Variants in CHD5 observed in about 807,000 individuals in gnomAD.
CHD5 encodes the protein chromodomain helicase DNA binding protein 5, also known as ATP-dependent chromatin remodeler CHD5.
In CHD5, 69 loss-of-function variants were observed where a neutral mutation model predicts 230.3. That is an observed-to-expected ratio of 0.30 (90% confidence interval 0.25 to 0.37). The LOEUF is 0.37. Among genes scored for constraint, CHD5 ranks in the 10% least tolerant of loss-of-function variants. The pLI, the probability that CHD5 is intolerant of heterozygous loss-of-function variation, is 1.00. For missense variants in CHD5, 1,827 were observed against 2,622.8 expected, an observed-to-expected ratio of 0.70 and a Z score of 6.63; for synonymous variants, 1,064 against 1,065.9, an observed-to-expected ratio of 1.00 and a Z score of 0.03.
chr1:6,127,142 C>A, intron 25 of CHD5: 1 of 207,232 alleles, frequency 4.8e-6, no homozygotes, highest in Non-Finnish European at 9.8e-6. Flanking sequence ...AGGAGAGACC[C>A]ACAAGGAGCT....
chr1:6,175,641 A>AT (rs1435752701), intron 1 of CHD5, among the ~76,000 whole-genome samples: 2 of 151,376 alleles, frequency 1.3e-5, no homozygotes, highest in Non-Finnish European at 2.9e-5. Context: ...GCATGGACAG[A>AT]TAGTGCATGG....
chr1:6,123,909 T>A, intron 31 of CHD5, 39 bp downstream of exon 31: 1 of 1,387,118 alleles, frequency 7.2e-7, no homozygotes. Context: ...CCACTTTCCA[T>A]GACCCCAGTG....
At chr1:6,143,429 G>C (rs967665816) in intron 13 of CHD5, among the ~76,000 whole-genome samples, 1 of 152,178 alleles carries the variant, frequency 6.6e-6, no homozygotes, top group African/African-American at 2.4e-5. Context: ...ACAGGCGCCT[G>C]ATAGTCCCAG....
intron 1 of CHD5, among the ~76,000 whole-genome samples, chr1:6,173,904 A>G (rs752483250): frequency 6.6e-6 from 1 of 152,182 alleles, no homozygotes; most frequent in Non-Finnish European, 1.5e-5. Flanking sequence ...TTCATAATTT[A>G]TTTATGACAT....
In CHD5 at chr1:6,155,568, G is replaced by T; in HGVS notation, c.506+31C>A. The T allele has an allele frequency of 6.4e-7, 1 of 1,554,028 alleles. No homozygotes were observed. The highest frequency in any genetic ancestry group is 8.9e-7 in the Non-Finnish European group (1 of 1,125,726). On this transcript the variant is annotated intron_variant, in intron 4 of 41. Coordinates refer to ENST00000262450, the MANE Select transcript of CHD5 (RefSeq NM_015557.3). The surrounding 1 kb of genome is among the most constrained non-coding windows in gnomAD (Gnocchi z 4.0). Reference sequence around the variant, plus strand: ...CTTGGTACCACCAGAGGATGTGCGGGCCTGGAGAACAGCCCTAGTGCCCCG... The same window carrying T: ...CTTGGTACCACCAGAGGATGTGCGGTCCTGGAGAACAGCCCTAGTGCCCCG...
Position 6,142,717 on chromosome 1 carries a change from G to T in CHD5, c.2044-112C>A, listed in dbSNP as rs1408864134. On this transcript the variant is annotated intron_variant, in intron 13 of 41. Coordinates refer to ENST00000262450, the MANE Select transcript of CHD5 (RefSeq NM_015557.3). This position sits in a 1 kb window ranked among gnomAD's most constrained non-coding sequence, Gnocchi z 5.2. The stretch of plus-strand genomic sequence containing the variant: ...TGCCTGGAACACTCTTCCCACTCCT[G>T]TCTGTCTTCCTAACTCTTCTCCAGT... The T allele has an allele frequency of 1.8e-5, 21 of 1,179,884 alleles. No individual in the cohort carries two copies. Among genetic ancestry groups the T allele is most frequent in the Non-Finnish European group, 2.3e-5 (20 of 852,224 alleles). 73.1% of individuals were successfully genotyped at this position (1,179,884 alleles called of 1,614,324 possible). A position where few individuals can be genotyped will look rare whatever the true frequency, so the allele number is the denominator to read the frequency against.
chr1:6,115,104 A>T (rs1353196861), intron 33 of CHD5, among the ~76,000 whole-genome samples: 3 of 151,900 alleles, frequency 2.0e-5, no homozygotes, highest in African/African-American at 4.8e-5. Flanking sequence ...CGAGATCAGG[A>T]GATCGAGACC....
chr1:6,109,781 C>A lies in CHD5; in HGVS notation c.5578+14G>T, dbSNP rs1466514377. ...GGGCGGGGGGCTGCACCGTGGGGGG[C>A]AGGACTTGCTCACCCTTGTGCAGGA... is the stretch of plus-strand genomic sequence containing the variant. On this transcript the variant is annotated intron_variant, in intron 38 of 41. Coordinates refer to ENST00000262450, the MANE Select transcript of CHD5 (RefSeq NM_015557.3). 6.2e-6 allele frequency: 10 copies of A among 1,608,614 alleles called. No homozygotes were observed. Among genetic ancestry groups the A allele is most frequent in the Non-Finnish European group, 8.5e-6 (10 of 1,177,874 alleles).
At chr1:6,110,610 C>T in intron 36 of CHD5, 84 bp from the exon 37 acceptor site, 35 of 1,426,432 alleles carry the variant, frequency 2.5e-5, no homozygotes, top group Non-Finnish European at 3.3e-5. Flanking sequence ...GGGGGAGGGG[C>T]CAGCCCGGGG....
chr1:6,155,746 T>C lies in CHD5; in HGVS notation c.388-29A>G. On this transcript the variant is annotated intron_variant, in intron 3 of 41. Transcript: ENST00000262450. This position sits in a 1 kb window ranked among gnomAD's most constrained non-coding sequence, Gnocchi z 4.0. ...CAGAGACCCAGGCCAGAGGTAGAGT[T>C]GTTGAGGGGCCTTCTGACCTGCACC... The C allele has an allele frequency of 6.4e-7, 1 of 1,572,686 alleles. No homozygotes were observed. The highest frequency in any genetic ancestry group is 8.7e-7 in the Non-Finnish European group (1 of 1,143,136).
At position 6,125,800 on chromosome 1, in the gene CHD5, C is replaced by T. The variant is rs2100843407; in HGVS notation, c.4137G>A (p.Glu1379=). The part of the protein sequence containing the change: ...QSEYSIGSED[E]DEDFEERPEG... ...CCGGCCTCTCTTCAAAGTCCTCATC[C>T]TCATCCTCAGAGCCAATGGAATATT... The change falls in exon 27 of 42, where the codon GAG becomes GAA. Residue 1379 remains glutamate, a synonymous_variant. Transcript: ENST00000262450. The surrounding 1 kb of genome is among the most constrained non-coding windows in gnomAD (Gnocchi z 6.7). 6.2e-7 allele frequency: 1 copy of T among 1,613,840 alleles called. No individual in the cohort carries two copies. Among genetic ancestry groups the T allele is most frequent in the East Asian group, 2.2e-5 (1 of 44,872 alleles).
In CHD5 at chr1:6,159,384, T is replaced by C; in HGVS notation, c.339A>G (p.Arg113=). 6.4e-7 allele frequency: 1 copy of C among 1,552,450 alleles called. No individual in the cohort carries two copies. Among genetic ancestry groups the C allele is most frequent in the Non-Finnish European group, 8.7e-7 (1 of 1,147,126 alleles). ...CATCCTCATCCTCATCCTTCTTTTTTCGCTTGGCTTTTTTCTCCTTCTTGT... is the reference window on the plus strand; with the variant it reads ...CATCCTCATCCTCATCCTTCTTTTTCCGCTTGGCTTTTTTCTCCTTCTTGT... ...LKDKKEKKAK[R]KKKDEDEDDN... Residue 113 remains arginine (R), a synonymous_variant, in exon 3 of 42, where the codon CGA becomes CGG. Coordinates refer to ENST00000262450, the MANE Select transcript of CHD5 (RefSeq NM_015557.3).
chr1:6,101,966 C>T lies in CHD5; in HGVS notation c.*3508G>A. ...AAAGCTGGACCCGCCCCCGCCGGGG[C>T]CACCCTGGCTGGGACTCCTGGCGCG... On this transcript the variant is annotated 3_prime_UTR_variant, in exon 42 of 42. Coordinates refer to ENST00000262450, the MANE Select transcript of CHD5 (RefSeq NM_015557.3). 2 of 421,478 alleles carry T rather than the reference C, an allele frequency of 4.7e-6. No individual in the cohort carries two copies. The highest frequency in any genetic ancestry group is 2.8e-5 in the Admixed American group (1 of 35,950). The allele number at this position is 421,478 out of a possible 1,614,324, so 26.1% of individuals were successfully genotyped here.
At chr1:6,153,592 G>T (rs1667038091) in intron 5 of CHD5, among the ~76,000 whole-genome samples, 1 of 152,238 alleles carries the variant, frequency 6.6e-6, no homozygotes, top group South Asian at 2.1e-4. Context: ...ACTTTGGGAG[G>T]CCGAGGTGGG....
In CHD5 at chr1:6,125,696, C is replaced by T. The variant is rs1227915244; in HGVS notation, c.4171+70G>A. On this transcript the variant is annotated intron_variant, in intron 27 of 41. Coordinates refer to ENST00000262450, the MANE Select transcript of CHD5 (RefSeq NM_015557.3). The surrounding 1 kb of genome is among the most constrained non-coding windows in gnomAD (Gnocchi z 6.7). Reference sequence around the variant, plus strand: ...GGACAGCGGGACCCCAGACCAGCCCCGCTCCTGCTGCCATCAGCTCCCCTG... The same window carrying T: ...GGACAGCGGGACCCCAGACCAGCCCTGCTCCTGCTGCCATCAGCTCCCCTG... 6 of 1,593,258 alleles carry T rather than the reference C, an allele frequency of 3.8e-6. No homozygotes were observed. The highest frequency in any genetic ancestry group is 4.5e-5 in the East Asian group (2 of 44,796).
intron 6 of CHD5, among the ~76,000 whole-genome samples, chr1:6,151,791 C>A (rs1003620203): frequency 1.7e-5 from 1 of 57,268 alleles, no homozygotes. Context: ...TCCAACTCCA[C>A]CCACCGCAGG....
In CHD5 at chr1:6,134,801, C is replaced by T. The variant is rs1474737639; in HGVS notation, c.2929G>A (p.Gly977Arg). The change falls in exon 19 of 42, where the codon GGG becomes AGG. Residue 977 changes from glycine to arginine, a missense_variant. Gly to Arg is a moderately radical substitution (Grantham distance 125, BLOSUM62 -2). Around this residue, in one of 14 missense-constraint regions of CHD5, gnomAD observed 16 missense variants for 18.2 expected, o/e 0.88. Coordinates refer to ENST00000262450, the MANE Select transcript of CHD5 (RefSeq NM_015557.3). The surrounding 1 kb of genome is among the most constrained non-coding windows in gnomAD (Gnocchi z 6.3). ...ATGTTGAGCAGCGATACTTGGTTCCCGCCCCCCTTGGAGTTCAGTGCCTCA... is the reference window on the plus strand; with the variant it reads ...ATGTTGAGCAGCGATACTTGGTTCCTGCCCCCCTTGGAGTTCAGTGCCTCA... Reference protein sequence around the residue: ...NFEALNSKGGGNQVSLLNIMM... With the variant: ...NFEALNSKGGRNQVSLLNIMM... 2.5e-6 allele frequency: 4 copies of T among 1,614,098 alleles called. No individual in the cohort carries two copies. The highest frequency in any genetic ancestry group is 1.7e-5 in the Admixed American group (1 of 60,014).
intron 9 of CHD5, among the ~76,000 whole-genome samples, chr1:6,148,652 T>C (rs1030402322): frequency 1.3e-5 from 2 of 151,776 alleles, no homozygotes; most frequent in African/African-American, 2.4e-5. Flanking sequence ...TCTAGGGGAG[T>C]CAGACGCGGA....
At chr1:6,123,082 GAAGA>G (rs1003243895) in intron 31 of CHD5, among the ~76,000 whole-genome samples, 2 of 151,726 alleles carry the variant, frequency 1.3e-5, no homozygotes, top group Admixed American at 6.6e-5. Flanking sequence ...AAAAAAAAAG[GAAGA>G]AAGAAAGAAA....
Sources: allele counts gnomAD v4.1 joint callset (sites outside exome capture counted in the v4.1 genomes callset), GRCh38; gene constraint gnomAD v4.1.1; regional missense constraint gnomAD v4.1.1; non-coding constraint Gnocchi (gnomAD v3.1); transcripts MANE v1.5; gene names NCBI Gene and HGNC (gene_info 2026-07-23, HGNC 2026-07-21).